The following DOCK2 variants were observed in gnomAD, a reference collection of about 807,000 sequenced individuals.
DOCK2 encodes the protein dedicator of cytokinesis 2, also known as dedicator of cytokinesis protein 2.
DOCK2 carries 87 observed loss-of-function variants against 248.9 expected under a neutral mutation model. The ratio of observed to expected loss-of-function variants is 0.35; its 90% CI spans 0.29 to 0.42. The LOEUF (loss-of-function observed/expected upper bound fraction) is 0.42. Ranked by LOEUF, DOCK2 falls within the 10% of genes least tolerant of loss-of-function variation. The pLI is 1.00. For synonymous variants in DOCK2, 805 were observed against 821.6 expected (o/e 0.98, Z 0.35); for missense variants, 1,747 against 2,300.2 (o/e 0.76, Z 4.92).
At chr5:169,840,181 C>G (rs1463642041) in intron 26 of DOCK2, among the ~76,000 whole-genome samples, 1 of 152,146 alleles carries the variant, frequency 6.6e-6, no homozygotes, top group Non-Finnish European at 1.5e-5. Context: ...GAAGGCAAGG[C>G]ACGAGCAGGC....
chr5:169,956,980 CA>C (rs1479134068), intron 27 of DOCK2, among the ~76,000 whole-genome samples: 2 of 151,958 alleles, frequency 1.3e-5, no homozygotes, highest in African/African-American at 4.8e-5. Context: ...GAACACCAGG[CA>C]AAACCACAGG....
rs376080630 is a variant in DOCK2 at position 169,711,241 on chromosome 5, G to T, written c.1483-694G>T. ...TTCTCTCAGGTAGCTAACCTTCTCC[G>T]CATTGGCCTGAATCTCAGATTGCAG... On this transcript the variant is annotated intron_variant, in intron 15 of 51. Coordinates refer to ENST00000520908, the MANE Select transcript of DOCK2 (RefSeq NM_004946.3). Among the ~76,000 whole-genome samples, 9 of 152,240 alleles carry T rather than the reference G, an allele frequency of 5.9e-5. No homozygotes were observed. The East Asian group carries it at 7.7e-4, about 13-fold the overall frequency.
At position 169,886,145 on chromosome 5, in the gene DOCK2, T is replaced by C. The variant is rs529240770; in HGVS notation, c.2799+45293T>C. Among the ~76,000 whole-genome samples, 4 of 152,278 alleles carry C rather than the reference T, an allele frequency of 2.6e-5. No individual in the cohort carries two copies. In the South Asian group the frequency reaches 8.3e-4, roughly 32 times the overall value. ...AAAAACCCCTCTTTTTCTTTATAAA[T>C]TACACAGTCTCTGGTATGTCTTTAT... On this transcript the variant is annotated intron_variant, in intron 27 of 51. Coordinates refer to ENST00000520908, the MANE Select transcript of DOCK2 (RefSeq NM_004946.3).
chr5:169,776,505 G>A (rs1391516858), intron 25 of DOCK2, among the ~76,000 whole-genome samples: 1 of 152,052 alleles, frequency 6.6e-6, no homozygotes, highest in Admixed American at 6.6e-5. Context: ...TGTTTTGCAT[G>A]CTGTGTAATC....
chr5:170,013,440 G>A (rs1561880770), intron 32 of DOCK2, among the ~76,000 whole-genome samples: 1 of 151,988 alleles, frequency 6.6e-6, no homozygotes, highest in Non-Finnish European at 1.5e-5. Context: ...TATCCAAGTG[G>A]GCTCAGTACA....
chr5:169,807,089 G>A (rs551758913), intron 26 of DOCK2, among the ~76,000 whole-genome samples: 36 of 152,206 alleles, frequency 2.4e-4, no homozygotes, highest in Non-Finnish European at 3.2e-4. Flanking sequence ...CTTGCAAAGC[G>A]ACTGAGAAGA....
chr5:169,923,382 A>T (rs149437924), intron 27 of DOCK2, among the ~76,000 whole-genome samples: 296 of 152,382 alleles, frequency 1.9e-3, no homozygotes, highest in South Asian at 7.2e-3. Flanking sequence ...CGCAGAAAAC[A>T]CATTGGCTCT....
chr5:169,791,969 G>C (rs1318587318), intron 25 of DOCK2, among the ~76,000 whole-genome samples: 1 of 152,164 alleles, frequency 6.6e-6, no homozygotes, highest in Non-Finnish European at 1.5e-5. Flanking sequence ...ATTTGAGTAT[G>C]TGACCATGGA....
In DOCK2 at chr5:169,996,757, C is replaced by G. The variant is rs527692056; in HGVS notation, c.3072+593C>G. Among the ~76,000 whole-genome samples the G allele has an allele frequency of 5.9e-5, 9 of 152,316 alleles. No individual in the cohort carries two copies. The South Asian group carries it at 1.9e-3, about 32-fold the overall frequency. On this transcript the variant is annotated intron_variant, in intron 30 of 51. Transcript: ENST00000520908. ...TGGAGATGTGCGAGGGAAGGCCCCC[C>G]ACAAAAGGATCCCCTCCAGGGAAGT...
At chr5:170,042,215 C>T in intron 38 of DOCK2, 83 bp downstream of exon 38, 3 of 1,447,538 alleles carry the variant, frequency 2.1e-6, no homozygotes, top group East Asian at 2.6e-5. Flanking sequence ...CCAATCCATC[C>T]TCAGCTCTGT....
intron 27 of DOCK2, chr5:169,882,628 T>A: frequency 6.4e-7 from 1 of 1,551,928 alleles, no homozygotes; most frequent in Non-Finnish European, 8.7e-7. Flanking sequence ...TTGGTTCGAG[T>A]GCAGAGATTC....
chr5:169,919,099 G>A (rs948816740), intron 27 of DOCK2, among the ~76,000 whole-genome samples: 9 of 152,184 alleles, frequency 5.9e-5, no homozygotes, highest in African/African-American at 2.2e-4. Flanking sequence ...AGGACACTAT[G>A]ATCTTTGATT....
chr5:169,938,196 C>T (rs1776077728), intron 27 of DOCK2, among the ~76,000 whole-genome samples: 1 of 152,064 alleles, frequency 6.6e-6, no homozygotes, highest in South Asian at 2.1e-4. Flanking sequence ...ACAGCTGCCA[C>T]CTTAAAGAAA....
chr5:169,775,390 A>G (rs1468024515), intron 25 of DOCK2, among the ~76,000 whole-genome samples: 1 of 152,146 alleles, frequency 6.6e-6, no homozygotes, highest in Non-Finnish European at 1.5e-5. Context: ...GGGCCATGTC[A>G]ATATGCAGAC....
At chr5:169,650,280 G>A (rs1296998413) in intron 1 of DOCK2, among the ~76,000 whole-genome samples, 1 of 152,064 alleles carries the variant, frequency 6.6e-6, no homozygotes, top group Non-Finnish European at 1.5e-5. Context: ...TTTAAAATGT[G>A]CTCTAAATAT....
chr5:169,885,859 T>G (rs763914698), intron 27 of DOCK2, among the ~76,000 whole-genome samples: 1 of 135,780 alleles, frequency 7.4e-6, no homozygotes, highest in East Asian at 2.0e-4. Context: ...TTGCATTATC[T>G]CATTTAATCC....
chr5:169,903,033 G>T (rs1774024936), intron 27 of DOCK2, among the ~76,000 whole-genome samples: 1 of 152,028 alleles, frequency 6.6e-6, no homozygotes, highest in African/African-American at 2.4e-5. Flanking sequence ...AGGAGGTGGA[G>T]GTTGCAGTGA....
intron 1 of DOCK2, among the ~76,000 whole-genome samples, chr5:169,648,725 C>T (rs1273340119): frequency 6.6e-6 from 1 of 152,198 alleles, no homozygotes; most frequent in East Asian, 1.9e-4. Context: ...TCACACCCAC[C>T]CCAAGAACTG....
At chr5:169,642,135 G>GA (rs1157953441) in intron 1 of DOCK2, among the ~76,000 whole-genome samples, 1 of 152,228 alleles carries the variant, frequency 6.6e-6, no homozygotes, top group African/African-American at 2.4e-5. Flanking sequence ...CTTCACTACA[G>GA]AGGGACCAAT....
Sources: allele counts gnomAD v4.1 joint callset (sites outside exome capture counted in the v4.1 genomes callset), GRCh38; gene constraint gnomAD v4.1.1; transcripts MANE v1.5; gene names NCBI Gene and HGNC (gene_info 2026-07-23, HGNC 2026-07-21).